LMO7: variants seen among roughly 807,000 people sequenced by gnomAD.
LMO7 encodes the protein LIM domain 7.
Under a neutral mutation model 206.5 loss-of-function variants are expected in LMO7, and 120 were observed. The observed-to-expected ratio is 0.58, with a 90% CI of 0.50 to 0.68. The LOEUF (loss-of-function observed/expected upper bound fraction) is 0.68. LMO7 is among the 30% of genes least tolerant of loss of function. The pLI is 0.00. For synonymous variants in LMO7, 706 were observed against 681.5 expected (o/e 1.04, Z -0.56); for missense variants, 1,959 against 1,957.9 (o/e 1.00, Z -0.01).
At chr13:75,828,430 A>C (rs2058334744) in intron 15 of LMO7, among the ~76,000 whole-genome samples, 1 of 152,224 alleles carries the variant, frequency 6.6e-6, no homozygotes, top group Non-Finnish European at 1.5e-5. Flanking sequence ...TGTATAGTTA[A>C]GAGACCACAT....
chr13:75,675,055 C>G (rs1377158342), intron 1 of LMO7, among the ~76,000 whole-genome samples: 1 of 151,196 alleles, frequency 6.6e-6, no homozygotes. Flanking sequence ...AAGAATGTCA[C>G]AATATATTTC....
In LMO7 at chr13:75,821,537, A is replaced by G; in HGVS notation, c.2568A>G (p.Leu856=). 6.2e-7 allele frequency: 1 copy of G among 1,614,080 alleles called. No individual in the cohort carries two copies. Among genetic ancestry groups the G allele is most frequent in the Non-Finnish European group, 8.5e-7 (1 of 1,179,952 alleles). Residue 856 remains leucine, a synonymous_variant, in exon 14 of 31, where the codon TTA becomes TTG. Transcript: ENST00000377534. ...RSYRKTDTVR[L]TSVVTPRPFG... ...ACCGGAAAACTGATACAGTCAGGTT[A>G]ACATCTGTGGTCACACCAAGACCCT...
intron 4 of LMO7, among the ~76,000 whole-genome samples, chr13:75,761,377 G>A (rs1382335221): frequency 2.0e-5 from 3 of 152,120 alleles, no homozygotes; most frequent in African/African-American, 7.2e-5. Flanking sequence ...ATTATAGCTT[G>A]CAGAGTAACA....
chr13:75,634,564 C>G (rs2035488396), upstream of LMO7, among the ~76,000 whole-genome samples: 1 of 152,086 alleles, frequency 6.6e-6, no homozygotes, highest in African/African-American at 2.4e-5. Flanking sequence ...CACGGTGAAA[C>G]CTCGTCTCTA....
intron 3 of LMO7, among the ~76,000 whole-genome samples, chr13:75,757,535 A>G (rs951020453): frequency 2.6e-5 from 4 of 152,052 alleles, no homozygotes; most frequent in Non-Finnish European, 5.9e-5. Flanking sequence ...GCTGTTCCTG[A>G]TCATTAAGCT....
At chr13:75,658,385 G>A (rs1167922594) in intron 1 of LMO7, among the ~76,000 whole-genome samples, 8 of 152,004 alleles carry the variant, frequency 5.3e-5, no homozygotes, top group Non-Finnish European at 8.8e-5. Flanking sequence ...TTTTAGATCA[G>A]TTTGGGGAGA....
intron 3 of LMO7, among the ~76,000 whole-genome samples, chr13:75,756,228 T>G (rs545943): frequency 0.011 from 1,711 of 152,266 alleles, 39 homozygotes; most frequent in African/African-American, 0.039. Flanking sequence ...GAAGAGCTAC[T>G]CTTGAAGAGA....
intron 1 of LMO7, among the ~76,000 whole-genome samples, chr13:75,661,173 T>C (rs2038560108): frequency 1.3e-5 from 2 of 152,192 alleles, no homozygotes; most frequent in Admixed American, 6.5e-5. Context: ...TAACTTTGTC[T>C]CCCATCCTAA....
intron 1 of LMO7, among the ~76,000 whole-genome samples, chr13:75,645,635 C>T (rs1043689565): frequency 2.0e-5 from 3 of 152,142 alleles, no homozygotes; most frequent in Admixed American, 6.6e-5. Context: ...AATAAGCAAA[C>T]GTATTGCCTC....
At chr13:75,623,643 A>G (rs1158076127) in intron 2 of LMO7, among the ~76,000 whole-genome samples, 1 of 151,984 alleles carries the variant, frequency 6.6e-6, no homozygotes, top group African/African-American at 2.4e-5. Flanking sequence ...GATTACAGGC[A>G]TGAGCCACTG....
chr13:75,690,212 G>C (rs561402621), intron 1 of LMO7, among the ~76,000 whole-genome samples: 1 of 152,174 alleles, frequency 6.6e-6, no homozygotes, highest in African/African-American at 2.4e-5. Flanking sequence ...TGGGATTACA[G>C]GCTGTGGCCT....
chr13:75,696,465 G>A (rs1045862935), intron 1 of LMO7, among the ~76,000 whole-genome samples: 28 of 152,290 alleles, frequency 1.8e-4, no homozygotes, highest in East Asian at 1.9e-4. Context: ...AGTCTCATAA[G>A]AACCTTAGAT....
chr13:75,626,595 A>ATATATATATATATATATT, intron 2 of LMO7, among the ~76,000 whole-genome samples: 2 of 71,176 alleles, frequency 2.8e-5, no homozygotes, highest in Non-Finnish European at 7.2e-5. Flanking sequence ...ATATATATAA[A>ATATATATATATATATATT]TTTTTTTGAG....
intron 28 of LMO7, among the ~76,000 whole-genome samples, chr13:75,853,965 C>G (rs920009888): frequency 6.6e-6 from 1 of 152,172 alleles, no homozygotes; most frequent in Non-Finnish European, 1.5e-5. Flanking sequence ...GTTCTGTTTG[C>G]CCACATTTTG....
chr13:75,775,226 A>G (rs78987845), intron 4 of LMO7, among the ~76,000 whole-genome samples: 86 of 152,254 alleles, frequency 5.6e-4, no homozygotes, highest in Admixed American at 3.0e-3. Context: ...ACCCTATTCA[A>G]TAAATGTTGC....
chr13:75,838,808 A>T (rs1433802278), intron 20 of LMO7, among the ~76,000 whole-genome samples: 1 of 152,180 alleles, frequency 6.6e-6, no homozygotes, highest in East Asian at 1.9e-4. Flanking sequence ...GGGCTGCCTC[A>T]CAATGTGCTG....
intron 3 of LMO7, among the ~76,000 whole-genome samples, chr13:75,733,408 G>C (rs897220653): frequency 2.0e-5 from 3 of 152,220 alleles, no homozygotes; most frequent in Non-Finnish European, 4.4e-5. Context: ...GCAAGACTCC[G>C]TGGGCGTAGG....
intron 1 of LMO7, among the ~76,000 whole-genome samples, chr13:75,701,038 A>G (rs2042251521): frequency 6.6e-6 from 1 of 152,150 alleles, no homozygotes; most frequent in South Asian, 2.1e-4. Context: ...ACATTTGGGT[A>G]GTTTCCACTT....
chr13:75,725,500 A>C (rs1405550570), intron 2 of LMO7, among the ~76,000 whole-genome samples: 2 of 152,152 alleles, frequency 1.3e-5, no homozygotes, highest in Non-Finnish European at 2.9e-5. Flanking sequence ...CATTGCAAGA[A>C]TGCCACCAGT....
Sources: allele counts gnomAD v4.1 joint callset (sites outside exome capture counted in the v4.1 genomes callset), GRCh38; gene constraint gnomAD v4.1.1; transcripts MANE v1.5; gene names NCBI Gene and HGNC (gene_info 2026-07-23, HGNC 2026-07-21).